Variants in BCAR3 observed in about 807,000 individuals in gnomAD.
BCAR3 encodes the protein BCAR3 adaptor protein, NSP family member, also known as breast cancer anti-estrogen resistance protein 3.
BCAR3 carries 37 observed loss-of-function variants against 80.1 expected under a neutral mutation model. That is an observed-to-expected ratio of 0.46 (90% confidence interval 0.36 to 0.61). The LOEUF is 0.61. BCAR3 is among the 20% of genes least tolerant of loss of function. The pLI is 0.00. For synonymous variants in BCAR3, 389 were observed against 418.9 expected (o/e 0.93, Z 0.87); for missense variants, 978 against 1,068.2 (o/e 0.92, Z 1.18).
chr1:93,786,219 A>AAAAAAAAAAAAAAAAAAAT (rs1557688155), intron 2 of BCAR3, among the ~76,000 whole-genome samples: 1 of 148,780 alleles, frequency 6.7e-6, no homozygotes, highest in African/African-American at 2.5e-5. Context: ...AAAAAAAAAA[A>AAAAAAAAAAAAAAAAAAAT]GTGCCATGCA....
intron 2 of BCAR3, among the ~76,000 whole-genome samples, chr1:93,801,310 T>C (rs1653470568): frequency 6.6e-6 from 1 of 152,228 alleles, no homozygotes; most frequent in Non-Finnish European, 1.5e-5. Context: ...TCTTATTCTG[T>C]ATAACTGGCC....
intron 2 of BCAR3, among the ~76,000 whole-genome samples, chr1:93,763,394 T>G (rs1287709574): frequency 6.6e-6 from 1 of 152,230 alleles, no homozygotes; most frequent in East Asian, 1.9e-4. Flanking sequence ...GCCTACTGCA[T>G]GCTAGGCTCT....
chr1:93,598,130 A>T (rs1674494060), intron 3 of BCAR3, among the ~76,000 whole-genome samples: 1 of 152,178 alleles, frequency 6.6e-6, no homozygotes, highest in Admixed American at 6.5e-5. Context: ...AAGGAAGAAA[A>T]GCCATTCTGG....
intron 2 of BCAR3, among the ~76,000 whole-genome samples, chr1:93,658,964 C>T (rs1195593119): frequency 6.6e-6 from 1 of 152,164 alleles, no homozygotes; most frequent in Non-Finnish European, 1.5e-5. Flanking sequence ...ACCCATGCAC[C>T]AGGGTATGTC....
Position 93,614,147 on chromosome 1 carries a change from C to T in BCAR3, c.358-21754G>A, listed in dbSNP as rs539922107. The T allele has an allele frequency of 6.4e-5, 86 of 1,336,540 alleles. 2 individuals are homozygous for T. The South Asian group carries it at 1.3e-3, about 20-fold the overall frequency. The allele number at this position is 1,336,540 out of a possible 1,614,324, so 82.8% of individuals were successfully genotyped here. A position where few individuals can be genotyped will look rare whatever the true frequency, so the allele number is the denominator to read the frequency against. ...CAATACGATCCACTCGCTCAATTCT[C>T]GCAGGCTGGTGTCCAGCCTGCCATG... is the stretch of plus-strand genomic sequence containing the variant. On this transcript the variant is annotated intron_variant, in intron 3 of 11. Transcript: ENST00000260502.
chr1:93,713,008 G>T (rs1409820433), intron 2 of BCAR3, among the ~76,000 whole-genome samples: 2 of 151,954 alleles, frequency 1.3e-5, no homozygotes, highest in East Asian at 1.9e-4. Flanking sequence ...TTTTCTCTAG[G>T]GCAATACAGT....
rs1674074197 is a variant in BCAR3 at position 93,589,237 on chromosome 1, G to A, written c.669C>T (p.Ser223=). Residue 223 remains serine, a synonymous_variant, in exon 5 of 12, where the codon AGC becomes AGT. Transcript: ENST00000260502. ...SRVQYQFEME[S]FDSIPGLVRC... Reference sequence around the variant, plus strand: ...GCACCAGGCCGGGGATGGAGTCGAAGCTCTCCATCTCGAACTGGTACTGCA... The same window carrying A: ...GCACCAGGCCGGGGATGGAGTCGAAACTCTCCATCTCGAACTGGTACTGCA... 1 of 1,614,028 alleles carries A rather than the reference G, an allele frequency of 6.2e-7. No homozygotes were observed. Among genetic ancestry groups the A allele is most frequent in the Non-Finnish European group, 8.5e-7 (1 of 1,180,042 alleles).
intron 2 of BCAR3, among the ~76,000 whole-genome samples, chr1:93,778,473 A>G (rs1203090746): frequency 6.6e-6 from 1 of 152,218 alleles, no homozygotes; most frequent in Non-Finnish European, 1.5e-5. Context: ...GTATCAGAAT[A>G]ATAATACCAA....
At chr1:93,743,987 C>T (rs988465058) in intron 2 of BCAR3, among the ~76,000 whole-genome samples, 5 of 152,096 alleles carry the variant, frequency 3.3e-5, no homozygotes, top group African/African-American at 1.2e-4. Context: ...CAGGGAAGAC[C>T]CATGGATCTA....
intron 3 of BCAR3, among the ~76,000 whole-genome samples, chr1:93,630,738 T>C (rs1468055555): frequency 1.3e-5 from 2 of 152,204 alleles, no homozygotes; most frequent in Admixed American, 6.5e-5. Flanking sequence ...GGGAAGGCTG[T>C]TCTGAGGCAG....
intron 5 of BCAR3, among the ~76,000 whole-genome samples, chr1:93,588,416 A>G (rs12740779): frequency 0.21 from 31,552 of 150,970 alleles, 3,742 homozygotes; most frequent in African/African-American, 0.31. Context: ...CTCTCTCCTC[A>G]CCCCCGGTAC....
At chr1:93,619,079 C>T (rs563559974) in intron 3 of BCAR3, among the ~76,000 whole-genome samples, 2 of 151,266 alleles carry the variant, frequency 1.3e-5, no homozygotes, top group African/African-American at 4.9e-5. Context: ...GCTGGGACTA[C>T]AGGCACATGC....
At chr1:93,846,141 T>G (rs1461342305) in intron 1 of BCAR3, among the ~76,000 whole-genome samples, 2 of 148,886 alleles carry the variant, frequency 1.3e-5, no homozygotes, top group African/African-American at 2.6e-5. Context: ...AGCTTCGTCT[T>G]GGGGTTAAGT....
intron 2 of BCAR3, among the ~76,000 whole-genome samples, chr1:93,745,163 G>A (rs1199949549): frequency 1.3e-5 from 2 of 152,208 alleles, no homozygotes; most frequent in African/African-American, 4.8e-5. Flanking sequence ...CCCACCATGT[G>A]GGGCAGAAGC....
At chr1:93,562,889 A>C (rs79639756) in intron 11 of BCAR3, among the ~76,000 whole-genome samples, 3,364 of 152,168 alleles carry the variant, frequency 0.022, 114 homozygotes, top group African/African-American at 0.077. Flanking sequence ...GATCTGTTCT[A>C]TATAAGGGAG....
chr1:93,621,873 GTTTTT>G (rs1675326352), intron 3 of BCAR3, among the ~76,000 whole-genome samples: 7 of 152,124 alleles, frequency 4.6e-5, no homozygotes, highest in Admixed American at 4.6e-4. Flanking sequence ...TTTTGTTTTT[GTTTTT>G]GTTTTTGTTT....
intron 3 of BCAR3, among the ~76,000 whole-genome samples, chr1:93,637,074 C>A (rs554637241): frequency 6.6e-6 from 1 of 152,006 alleles, no homozygotes; most frequent in African/African-American, 2.4e-5. Context: ...CCAGCCTGGG[C>A]AACAGAGTAA....
intron 7 of BCAR3, among the ~76,000 whole-genome samples, chr1:93,578,561 G>A (rs1332335526): frequency 2.6e-5 from 4 of 152,150 alleles, no homozygotes; most frequent in Non-Finnish European, 5.9e-5. Context: ...TGTTCATCGG[G>A]CCAAAGATGC....
At chr1:93,682,349 T>G (rs2101957363), upstream of BCAR3, among the ~76,000 whole-genome samples, 1 of 152,296 alleles carries the variant, frequency 6.6e-6, no homozygotes, top group East Asian at 1.9e-4. Flanking sequence ...AACACTATCT[T>G]ATATCAAGAT....
Sources: gnomAD v4.1 joint callset for allele counts (sites outside exome capture counted in the v4.1 genomes callset) on GRCh38, gnomAD v4.1.1 for gene constraint, MANE v1.5 for transcripts, NCBI Gene and HGNC (gene_info 2026-07-23, HGNC 2026-07-21) for gene names.